MYOF: variants seen among roughly 807,000 people sequenced by gnomAD.
MYOF encodes the protein myoferlin.
Under a neutral mutation model 284.2 loss-of-function variants are expected in MYOF, and 244 were observed. The observed-to-expected ratio is 0.86, with a 90% CI of 0.77 to 0.95. The LOEUF (loss-of-function observed/expected upper bound fraction) is 0.95. MYOF is among the 40% of genes least tolerant of loss of function. The pLI is 0.00. For synonymous variants in MYOF, 904 were observed against 919.7 expected (o/e 0.98, Z 0.31); for missense variants, 2,496 against 2,560.6 (o/e 0.97, Z 0.54).
intron 49 of MYOF, among the ~76,000 whole-genome samples, chr10:93,318,844 G>A (rs1842733289): frequency 6.6e-6 from 1 of 152,182 alleles, no homozygotes; most frequent in Non-Finnish European, 1.5e-5. Context: ...AGGGCTGGTG[G>A]CTGGTACATT....
chr10:93,333,909 G>C lies in MYOF; in HGVS notation c.4568C>G (p.Ser1523Cys), dbSNP rs769004048. The C allele has an allele frequency of 2.5e-6, 4 of 1,613,922 alleles. No homozygotes were observed. Among genetic ancestry groups the C allele is most frequent in the Non-Finnish European group, 3.4e-6 (4 of 1,179,936 alleles). ...ATCCGGCAGAGGGTAGATCCGAAAG[G>C]AGCCCTAAAAGAGAGAGACAGAAGG... ...DPSVVGEFKGSFRIYPLPDDP... is the reference protein window; with the variant it reads ...DPSVVGEFKGCFRIYPLPDDP... Residue 1523 changes from serine to cysteine, a missense_variant, in exon 42 of 54, where the codon TCC becomes TGC. Transcript: ENST00000359263.
chr10:93,355,248 G>A (rs1382824650), intron 31 of MYOF, among the ~76,000 whole-genome samples: 1 of 152,230 alleles, frequency 6.6e-6, no homozygotes, highest in African/African-American at 2.4e-5. Flanking sequence ...GTGATTTGAA[G>A]AGTTTCCTTA....
rs1430879614 is a variant in MYOF, at chr10:93,358,290, CAAGA to C, written c.3121-1446_3121-1443del. On this transcript the variant is annotated intron_variant, in intron 29 of 53. Transcript: ENST00000359263. The stretch of plus-strand genomic sequence containing the variant: ...GTCAGAATAGAGATTATTAAAAGGT[CAAGA>C]AACAACAGATGATGGTGAGGCTGTG... Among the ~76,000 whole-genome samples the C allele has an allele frequency of 3.3e-5, 5 of 152,206 alleles. No homozygotes were observed. In the East Asian group the frequency reaches 9.7e-4, roughly 29 times the overall value.
intron 3 of MYOF, among the ~76,000 whole-genome samples, chr10:93,444,798 T>G (rs1463961925): frequency 1.3e-5 from 2 of 152,246 alleles, no homozygotes. Flanking sequence ...CAATATCTTT[T>G]ATTTCTACAT....
At chr10:93,354,465 T>A (rs899864496) in intron 31 of MYOF, among the ~76,000 whole-genome samples, 1 of 152,122 alleles carries the variant, frequency 6.6e-6, no homozygotes, top group Non-Finnish European at 1.5e-5. Context: ...TGTTATAAAC[T>A]AACTGAATTT....
chr10:93,402,391 G>C (rs775703837), intron 10 of MYOF, 44 bp from the exon 11 acceptor site: 3 of 1,441,204 alleles, frequency 2.1e-6, no homozygotes, highest in East Asian at 4.5e-5. Flanking sequence ...TGCTAAAAAG[G>C]TACTGATAAG....
In MYOF at chr10:93,346,817, A is replaced by G. The variant is rs148149087; in HGVS notation, c.4249+800T>C. Among the ~76,000 whole-genome samples, 255 of 152,296 alleles carry G rather than the reference A, an allele frequency of 1.7e-3. 1 individual carries two copies. The highest frequency in any genetic ancestry group is 5.9e-3 in the African/African-American group (246 of 41,570). ...TGGACTTTTGCTTTGTGAGAGGGGA[A>G]CATGCCTTTCTTGGTCCCCACTGTC... is the stretch of plus-strand genomic sequence containing the variant. On this transcript the variant is annotated intron_variant, in intron 37 of 53. Coordinates refer to ENST00000359263, the MANE Select transcript of MYOF (RefSeq NM_013451.4).
chr10:93,398,210 TC>T (rs1245184245), intron 13 of MYOF, among the ~76,000 whole-genome samples: 1 of 152,110 alleles, frequency 6.6e-6, no homozygotes, highest in African/African-American at 2.4e-5. Flanking sequence ...GCTAACATTT[TC>T]TTCCTTGGGG....
At chr10:93,472,924 C>A (rs2057182546) in intron 1 of MYOF, among the ~76,000 whole-genome samples, 1 of 152,170 alleles carries the variant, frequency 6.6e-6, no homozygotes, top group Admixed American at 6.5e-5. Context: ...TGTCATGCAA[C>A]ATTCTGTGTC....
At chr10:93,465,355 C>T (rs78258348) in intron 1 of MYOF, among the ~76,000 whole-genome samples, 7,147 of 152,120 alleles carry the variant, frequency 0.047, 225 homozygotes, top group Non-Finnish European at 0.07. Flanking sequence ...TTCTCCATGA[C>T]GGAGTAAATT....
intron 3 of MYOF, among the ~76,000 whole-genome samples, chr10:93,450,533 CA>C (rs1252454621): frequency 6.6e-6 from 1 of 152,052 alleles, no homozygotes; most frequent in East Asian, 1.9e-4. Context: ...GAGATTGCGC[CA>C]CTGCACTCCA....
intron 7 of MYOF, 148 bp downstream of exon 7, chr10:93,408,639 C>T: frequency 9.5e-7 from 1 of 1,057,660 alleles, no homozygotes. Flanking sequence ...TTTTCCAAGA[C>T]CCTGCCATGC....
At position 93,310,002 on chromosome 10, in the gene MYOF, C is replaced by T; in HGVS notation, c.6147+18G>A. On this transcript the variant is annotated intron_variant, in intron 53 of 53. Coordinates refer to ENST00000359263, the MANE Select transcript of MYOF (RefSeq NM_013451.4). ...CTCACAAGAAAGCCAAGACAAGGGGCCAAGGAAGGGCTCCTACCGGCAAAG... is the reference window on the plus strand; with the variant it reads ...CTCACAAGAAAGCCAAGACAAGGGGTCAAGGAAGGGCTCCTACCGGCAAAG... 1 of 1,613,710 alleles carries T rather than the reference C, an allele frequency of 6.2e-7. No homozygotes were observed. Among genetic ancestry groups the T allele is most frequent in the Non-Finnish European group, 8.5e-7 (1 of 1,179,896 alleles).
chr10:93,357,968 T>G (rs1467672542), intron 29 of MYOF, among the ~76,000 whole-genome samples: 1 of 152,174 alleles, frequency 6.6e-6, no homozygotes, highest in Non-Finnish European at 1.5e-5. Context: ...TTCATTAAAC[T>G]AAAGAGCTTC....
intron 1 of MYOF, among the ~76,000 whole-genome samples, chr10:93,468,501 G>A (rs78137684): frequency 0.055 from 8,355 of 152,298 alleles, 259 homozygotes; most frequent in Non-Finnish European, 0.07. Flanking sequence ...GTCCTTCCTC[G>A]CTCCAAGAGA....
intron 53 of MYOF, among the ~76,000 whole-genome samples, chr10:93,308,849 T>A (rs1842252955): frequency 6.6e-6 from 1 of 151,956 alleles, no homozygotes; most frequent in African/African-American, 2.4e-5. Flanking sequence ...GTAGCTGGGA[T>A]TACAGGCATG....
At chr10:93,335,685 G>A (rs554684838) in intron 41 of MYOF, among the ~76,000 whole-genome samples, 4 of 151,186 alleles carry the variant, frequency 2.6e-5, no homozygotes, top group Non-Finnish European at 4.4e-5. Flanking sequence ...TGGCTCGAGT[G>A]CTCTGGCCCC....
intron 1 of MYOF, among the ~76,000 whole-genome samples, chr10:93,463,490 C>T (rs999615077): frequency 6.8e-6 from 1 of 147,792 alleles, no homozygotes; most frequent in Non-Finnish European, 1.5e-5. Context: ...ACATCCGCCT[C>T]CTGTGTTCAA....
At chr10:93,463,087 C>T (rs1471470266) in intron 1 of MYOF, among the ~76,000 whole-genome samples, 6 of 152,158 alleles carry the variant, frequency 3.9e-5, no homozygotes, top group Non-Finnish European at 5.9e-5. Context: ...CGATTAGCTA[C>T]GCCTGCCTCT....
Sources: gnomAD v4.1 joint callset for allele counts (sites outside exome capture counted in the v4.1 genomes callset) on GRCh38, gnomAD v4.1.1 for gene constraint, MANE v1.5 for transcripts, NCBI Gene and HGNC (gene_info 2026-07-23, HGNC 2026-07-21) for gene names.